EFCAB8: variants seen among roughly 807,000 people sequenced by gnomAD.
EFCAB8 encodes EF-hand calcium-binding domain-containing protein 8.
EFCAB8 carries 100 observed loss-of-function variants against 116.3 expected under a neutral mutation model. The observed-to-expected ratio is 0.86, with a 90% CI of 0.73 to 1.02. The LOEUF (loss-of-function observed/expected upper bound fraction) is 1.02. Among genes scored for constraint, EFCAB8 ranks in the 50% least tolerant of loss-of-function variants. The pLI, the probability that EFCAB8 is intolerant of heterozygous loss-of-function variation, is 0.00. For synonymous variants in EFCAB8, 558 were observed against 567.9 expected (o/e 0.98, Z 0.25); for missense variants, 1,320 against 1,416.9 (o/e 0.93, Z 1.10).
intron 3 of EFCAB8, among the ~76,000 whole-genome samples, chr20:32,872,557 G>A (rs992100387): frequency 1.3e-5 from 2 of 152,088 alleles, no homozygotes; most frequent in African/African-American, 2.4e-5. Context: ...GGATCCCAGC[G>A]AGCTGAGGTG....
intron 7 of EFCAB8, among the ~76,000 whole-genome samples, chr20:32,891,040 G>A (rs1985883720): frequency 6.6e-6 from 1 of 152,220 alleles, no homozygotes; most frequent in Non-Finnish European, 1.5e-5. Flanking sequence ...GTTTCCTGGG[G>A]ACCCAGTGCT....
chr20:32,958,404 G>A lies in EFCAB8; in HGVS notation c.2960-17G>A, dbSNP rs150991989. ...GGTATGCCAGTTGTGGTTCTGAGCA[G>A]TCTGGTCAAATCACAGGAACGTTTG... On this transcript the variant is annotated splice_polypyrimidine_tract_variant and intron_variant, in intron 23 of 26. Transcript: ENST00000400522. 8,227 of 416,828 alleles carry A rather than the reference G, an allele frequency of 0.02. 175 individuals carry two copies. Among genetic ancestry groups the A allele is most frequent in the South Asian group, 0.051 (406 of 7,940 alleles). The allele number at this position is 416,828 out of a possible 1,614,324, so 25.8% of individuals were successfully genotyped here. A position where few individuals can be genotyped will look rare whatever the true frequency, so the allele number is the denominator to read the frequency against.
Position 32,888,173 on chromosome 20 carries a change from T to C in EFCAB8, c.568-1128T>C, listed in dbSNP as rs142705586. 4.0e-3 allele frequency among the ~76,000 whole-genome samples: 613 copies of C among 152,026 alleles called. 5 individuals carry two copies. Among genetic ancestry groups the C allele is most frequent in the African/African-American group, 0.014 (594 of 41,478 alleles). On this transcript the variant is annotated intron_variant, in intron 6 of 26. Transcript: ENST00000400522. ...CAACCTCCTGGGGTCAAGGGATCTT[T>C]CCACCTCAGCCTCCCAAGTAGCTGG...
intron 15 of EFCAB8, among the ~76,000 whole-genome samples, chr20:32,911,017 C>A (rs1986895491): frequency 1.3e-5 from 2 of 152,112 alleles, no homozygotes; most frequent in East Asian, 3.9e-4. Flanking sequence ...GGATTACAGG[C>A]GTGAGCCACT....
chr20:32,881,832 G>A (rs1301407042), intron 5 of EFCAB8, among the ~76,000 whole-genome samples: 1 of 152,100 alleles, frequency 6.6e-6, no homozygotes, highest in Admixed American at 6.6e-5. Context: ...TTTGCCAGAT[G>A]GGATGAAGGC....
Position 32,961,563 on chromosome 20 carries a change from C to A in EFCAB8, c.3821C>A (p.Ala1274Asp). ...SFERPPRPLK[A>D]TFMSSVKGSS... ...GAGCGGCCCCCAAGGCCTCTGAAGG[C>A]CACCTTCATGTCCTCTGTGAAGGGG... The change falls in exon 27 of 27, where the codon GCC (alanine) becomes GAC (aspartate). Residue 1274 changes from alanine (A) to aspartate (D), a missense_variant. Ala to Asp is a moderately radical substitution (Grantham distance 126). Transcript: ENST00000400522. 2.1e-6 allele frequency: 3 copies of A among 1,399,822 alleles called. No homozygotes were observed. Among genetic ancestry groups the A allele is most frequent in the Non-Finnish European group, 2.8e-6 (3 of 1,075,250 alleles). The allele number at this position is 1,399,822 out of a possible 1,614,324, so 86.7% of individuals were successfully genotyped here.
Position 32,861,366 on chromosome 20 carries a change from G to A in EFCAB8, c.-11+2360G>A, listed in dbSNP as rs144825650. 2.7e-3 allele frequency among the ~76,000 whole-genome samples: 407 copies of A among 152,208 alleles called. 2 individuals carry two copies. Among genetic ancestry groups the A allele is most frequent in the Admixed American group, 5.7e-3 (87 of 15,296 alleles). ...TGCAATGGCACAATCTCGGCTCACC[G>A]CAACCTCCGCCTCCTGGATTCAAGC... On this transcript the variant is annotated intron_variant, in intron 1 of 26. Coordinates refer to ENST00000400522, the MANE Select transcript of EFCAB8 (RefSeq NM_001143967.2).
chr20:32,898,112 C>T (rs186523866), intron 10 of EFCAB8, among the ~76,000 whole-genome samples: 1 of 152,302 alleles, frequency 6.6e-6, no homozygotes, highest in East Asian at 1.9e-4. Flanking sequence ...TGGCAGTGGG[C>T]TGGGAGCACA....
chr20:32,949,373 C>A (rs1465452655), intron 23 of EFCAB8, among the ~76,000 whole-genome samples: 1 of 152,056 alleles, frequency 6.6e-6, no homozygotes, highest in East Asian at 1.9e-4. Context: ...ACTGAAATAC[C>A]AATCAATATC....
rs1202171304 is a variant in EFCAB8 at position 32,885,658 on chromosome 20, A to G, written c.567+18A>G. On this transcript the variant is annotated intron_variant, in intron 6 of 26. Transcript: ENST00000400522. The stretch of plus-strand genomic sequence containing the variant: ...CCTTTAGGGTGAGTGGGGCCCCTAC[A>G]CATGGTGCACACATGGGTGATTGGA... 1.3e-6 allele frequency: 2 copies of G among 1,551,594 alleles called. No individual in the cohort carries two copies. Among genetic ancestry groups the G allele is most frequent in the Non-Finnish European group, 1.7e-6 (2 of 1,146,912 alleles).
chr20:32,875,838 A>G (rs1984941580), intron 3 of EFCAB8, 88 bp from the exon 4 acceptor site: 1 of 1,199,772 alleles, frequency 8.3e-7, no homozygotes, highest in Non-Finnish European at 1.2e-6. Context: ...TGTCCCCCTC[A>G]GCACCCAGAC....
At chr20:32,891,298 G>A (rs1053607152) in intron 7 of EFCAB8, among the ~76,000 whole-genome samples, 10 of 152,146 alleles carry the variant, frequency 6.6e-5, no homozygotes, top group African/African-American at 2.2e-4. Context: ...CTGGTTCGAT[G>A]ATGGGCTGGA....
chr20:32,948,560 GAAAGAA>G (rs1348760548), intron 23 of EFCAB8, among the ~76,000 whole-genome samples: 4 of 145,058 alleles, frequency 2.8e-5, no homozygotes, highest in African/African-American at 1.1e-4. Flanking sequence ...AAGAAAGAAA[GAAAGAA>G]AGAAAGAAAG....
chr20:32,927,696 A>G (rs1183254648), intron 20 of EFCAB8, among the ~76,000 whole-genome samples: 1 of 152,136 alleles, frequency 6.6e-6, no homozygotes, highest in African/African-American at 2.4e-5. Flanking sequence ...GGGATTTTGT[A>G]GGTGATTTTA....
At chr20:32,949,096 A>G (rs988843748) in intron 23 of EFCAB8, among the ~76,000 whole-genome samples, 3 of 152,228 alleles carry the variant, frequency 2.0e-5, no homozygotes, top group Non-Finnish European at 2.9e-5. Context: ...GATTTTACTA[A>G]AAAGAGTTAG....
chr20:32,895,266 T>C lies in EFCAB8; in HGVS notation c.884-1188T>C, dbSNP rs560412119. Reference sequence around the variant, plus strand: ...TGCTAAGCCCCATGAGGGCTGCACCTGGCTTGCCTGAATTCCTCCAGACAG... The same window carrying C: ...TGCTAAGCCCCATGAGGGCTGCACCCGGCTTGCCTGAATTCCTCCAGACAG... On this transcript the variant is annotated intron_variant, in intron 9 of 26. Transcript: ENST00000400522. Among the ~76,000 whole-genome samples the C allele has an allele frequency of 1.1e-4, 17 of 152,132 alleles. No individual in the cohort carries two copies. In the East Asian group the frequency reaches 3.3e-3, roughly 29 times the overall value.
chr20:32,879,810 T>C (rs1169884587), intron 5 of EFCAB8, among the ~76,000 whole-genome samples: 1 of 152,188 alleles, frequency 6.6e-6, no homozygotes, highest in Non-Finnish European at 1.5e-5. Flanking sequence ...TTCCTGAACA[T>C]ACTGCTTCTC....
chr20:32,937,237 C>A (rs1012446921), intron 22 of EFCAB8, among the ~76,000 whole-genome samples: 3 of 152,086 alleles, frequency 2.0e-5, no homozygotes, highest in Non-Finnish European at 4.4e-5. Context: ...GCCTCGGCCT[C>A]CCAAAGTGCT....
At chr20:32,862,372 C>T (rs1335916130) in intron 1 of EFCAB8, among the ~76,000 whole-genome samples, 1 of 151,946 alleles carries the variant, frequency 6.6e-6, no homozygotes, top group Non-Finnish European at 1.5e-5. Context: ...AAGCGATCCT[C>T]CCGCCTCGGC....
Sources: allele counts gnomAD v4.1 joint callset (sites outside exome capture counted in the v4.1 genomes callset), GRCh38; gene constraint gnomAD v4.1.1; transcripts MANE v1.5; gene names NCBI Gene and HGNC (gene_info 2026-07-23, HGNC 2026-07-21).